TBPL2: variants seen among roughly 807,000 people sequenced by gnomAD.
TBPL2 encodes the protein TATA-box binding protein like 2.
A neutral mutation model predicts 38.2 loss-of-function variants in TBPL2; 40 were observed. The observed-to-expected ratio is 1.05, with a 90% CI of 0.81 to 1.36. TBPL2 has a LOEUF of 1.36. Ranked by LOEUF, TBPL2 falls within the 40% of genes most tolerant of loss-of-function variation. The probability of loss-of-function intolerance (pLI) is 0.00; values close to 1 mark genes in which losing one functional copy is unlikely to be tolerated. For missense variants in TBPL2, 461 were observed against 456.7 expected (o/e 1.01, Z -0.09); for synonymous variants, 169 against 171.7 (o/e 0.98, Z 0.12).
chr14:55,436,900 G>A lies in TBPL2; in HGVS notation c.269C>T (p.Thr90Ile), dbSNP rs150703234. 1.3e-5 allele frequency: 21 copies of A among 1,614,222 alleles called. No individual in the cohort carries two copies. In the African/African-American group the frequency reaches 2.0e-4, roughly 15 times the overall value. The change falls in exon 2 of 7, where the codon ACA becomes ATA. Residue 90 changes from threonine (T) to isoleucine (I), a missense_variant. By Grantham distance (89) the Thr-to-Ile change is moderately conservative. Coordinates refer to ENST00000247219, the Ensembl canonical transcript of TBPL2. Reference sequence around the variant, plus strand: ...ATCCACAGATGAGAAATCACCAGATGTTTCTTTGACTTCAGGGTTCGAATT... The same window carrying A: ...ATCCACAGATGAGAAATCACCAGATATTTCTTTGACTTCAGGGTTCGAATT...
At chr14:55,417,004 T>C (rs770235003) in intron 6 of TBPL2, among the ~76,000 whole-genome samples, 1 of 152,150 alleles carries the variant, frequency 6.6e-6, no homozygotes, top group Non-Finnish European at 1.5e-5. Flanking sequence ...ACTAAGAGCA[T>C]TGCATTCAAG....
At chr14:55,432,012 A>G (rs1280559954) in intron 4 of TBPL2, among the ~76,000 whole-genome samples, 1 of 152,242 alleles carries the variant, frequency 6.6e-6, no homozygotes, top group Admixed American at 6.5e-5. Context: ...CAATATTTGT[A>G]TAATACTGTG....
At chr14:55,414,438 C>G (rs370714291) in exon 7 of TBPL2, 3 of 1,606,402 alleles carry the variant, frequency 1.9e-6, no homozygotes, top group Non-Finnish European at 2.5e-6. Context: ...TCATAGATCT[C>G]AGAACGTTCT....
At chr14:55,427,880 CTTTTTTTTTT>C (rs551473740) in intron 5 of TBPL2, among the ~76,000 whole-genome samples, 5 of 130,896 alleles carry the variant, frequency 3.8e-5, no homozygotes, top group African/African-American at 1.4e-4. Context: ...GTTAGGATTG[CTTTTTTTTTT>C]TTTTTTTTGA....
chr14:55,425,911 A>G (rs1885814249), intron 5 of TBPL2, among the ~76,000 whole-genome samples: 1 of 152,250 alleles, frequency 6.6e-6, no homozygotes, highest in Non-Finnish European at 1.5e-5. Flanking sequence ...CATCTGCTAC[A>G]TGGTAGTCAC....
chr14:55,419,212 C>G (rs1240571773), intron 6 of TBPL2, among the ~76,000 whole-genome samples: 2 of 152,184 alleles, frequency 1.3e-5, no homozygotes, highest in African/African-American at 4.8e-5. Flanking sequence ...TGCCTGTTGC[C>G]CTGCGGCACA....
intron 6 of TBPL2, 33 bp downstream of exon 6, chr14:55,424,126 T>C: frequency 6.6e-7 from 1 of 1,509,142 alleles, no homozygotes; most frequent in Non-Finnish European, 9.2e-7. Context: ...AGCAATTACA[T>C]TTTATGAGTC....
exon 5 of TBPL2, chr14:55,428,808 T>A: frequency 1.2e-6 from 2 of 1,613,914 alleles, no homozygotes; most frequent in South Asian, 2.2e-5. Flanking sequence ...CCGTCATACC[T>A]ACTGAACTGC....
chr14:55,436,409 TA>T, intron 2 of TBPL2, 151 bp downstream of exon 2: 1 of 777,656 alleles, frequency 1.3e-6, no homozygotes, highest in Non-Finnish European at 2.0e-6. Flanking sequence ...TCAAACTGTC[TA>T]AAGCCACAAT....
intron 1 of TBPL2, among the ~76,000 whole-genome samples, chr14:55,440,098 A>AAATCAATCAATC (rs373713383): frequency 5.4e-4 from 82 of 151,358 alleles, no homozygotes; most frequent in Middle Eastern, 3.4e-3. Context: ...TCTCAGAGAA[A>AAATCAATCAATC]AATCAATCAA....
chr14:55,428,726 A>T, intron 5 of TBPL2, 81 bp downstream of exon 5: 1 of 1,413,920 alleles, frequency 7.1e-7, no homozygotes. Flanking sequence ...AATTTCTCTG[A>T]AAGATACTTT....
At chr14:55,431,528 T>G (rs1885925301) in intron 4 of TBPL2, among the ~76,000 whole-genome samples, 1 of 152,172 alleles carries the variant, frequency 6.6e-6, no homozygotes, top group East Asian at 1.9e-4. Flanking sequence ...ATTAATTAGG[T>G]TTTCCCTGTT....
exon 7 of TBPL2, chr14:55,414,308 A>G (rs1885636297): frequency 3.5e-6 from 4 of 1,153,582 alleles, no homozygotes; most frequent in Admixed American, 4.4e-5. Flanking sequence ...ACGTAGAAGA[A>G]TCCAGCTGTT....
intron 6 of TBPL2, among the ~76,000 whole-genome samples, chr14:55,422,731 T>C (rs969376252): frequency 2.0e-5 from 3 of 152,102 alleles, no homozygotes; most frequent in African/African-American, 7.2e-5. Context: ...CATGTGCCTG[T>C]AGTCTCAGCT....
exon 1 of TBPL2, chr14:55,440,592 C>A: frequency 6.5e-7 from 1 of 1,533,040 alleles, no homozygotes; most frequent in South Asian, 1.3e-5. Flanking sequence ...GGCCCAGGTT[C>A]CTGCAGAGGG....
At chr14:55,421,533 G>A (rs1291358206) in intron 6 of TBPL2, among the ~76,000 whole-genome samples, 1 of 152,126 alleles carries the variant, frequency 6.6e-6, no homozygotes, top group Non-Finnish European at 1.5e-5. Context: ...GCGCGAACTT[G>A]GCTCACTGCA....
At chr14:55,432,242 C>T in intron 4 of TBPL2, among the ~76,000 whole-genome samples, 1 of 85,006 alleles carries the variant, frequency 1.2e-5, no homozygotes, top group East Asian at 3.3e-4. Flanking sequence ...ACCCCCGTCT[C>T]TACAAAAAAA....
intron 6 of TBPL2, among the ~76,000 whole-genome samples, chr14:55,418,717 GAAAT>G (rs147311563): frequency 0.012 from 1,824 of 152,252 alleles, 15 homozygotes; most frequent in Non-Finnish European, 0.02. Context: ...ATGCTAGAGG[GAAAT>G]AAATAAATAA....
intron 6 of TBPL2, among the ~76,000 whole-genome samples, chr14:55,420,016 G>A (rs1380308663): frequency 5.3e-5 from 8 of 152,316 alleles, no homozygotes; most frequent in East Asian, 3.9e-4. Context: ...AAAGGAGACC[G>A]CCTTGGTTCC....
Sources: gnomAD v4.1 joint callset for allele counts (sites outside exome capture counted in the v4.1 genomes callset) on GRCh38, gnomAD v4.1.1 for gene constraint, MANE v1.5 for transcripts, NCBI Gene and HGNC (gene_info 2026-07-23, HGNC 2026-07-21) for gene names.